BRI3BP: variants seen among roughly 807,000 people sequenced by gnomAD.
BRI3BP encodes BRI3 binding protein.
A neutral mutation model predicts 15.8 loss-of-function variants in BRI3BP; 7 were observed. The ratio of observed to expected loss-of-function variants is 0.44; its 90% confidence interval spans 0.25 to 0.83. The LOEUF (loss-of-function observed/expected upper bound fraction) is 0.83. BRI3BP is among the 40% of genes least tolerant of loss of function. The probability of loss-of-function intolerance (pLI) is 0.20; values close to 1 mark genes in which losing one functional copy is unlikely to be tolerated. For missense variants in BRI3BP, 320 were observed against 339.3 expected (o/e 0.94, Z 0.45); for synonymous variants, 192 against 163.5 (o/e 1.17, Z -1.33).
intron 2 of BRI3BP, among the ~76,000 whole-genome samples, chr12:125,018,961 C>T (rs962388864): frequency 3.3e-5 from 5 of 152,046 alleles, no homozygotes; most frequent in African/African-American, 1.2e-4. Context: ...CGGGTTCAAG[C>T]GATTCTCCTG....
chr12:124,993,656 AGCG>A lies in BRI3BP; in HGVS notation c.-123_-121del, dbSNP rs1323528753. On this transcript the variant is annotated 5_prime_UTR_variant, in exon 1 of 3. Coordinates refer to ENST00000341446, the MANE Select transcript of BRI3BP (RefSeq NM_080626.6). ...CGCGGGGCGGGGCAGGTGGCGCAGC[AGCG>A]GCGGCGGCGGCTGTGGGTAAAGGCG... is the stretch of plus-strand genomic sequence containing the variant. 121 of 351,462 alleles carry A rather than the reference AGCG, an allele frequency of 3.4e-4. No homozygotes were observed. The highest frequency in any genetic ancestry group is 4.5e-4 in the Non-Finnish European group (114 of 253,312). The allele number at this position is 351,462 out of a possible 1,614,324, so 21.8% of individuals were successfully genotyped here. A position where few individuals can be genotyped will look rare whatever the true frequency, so the allele number is the denominator to read the frequency against.
At chr12:125,048,307 G>A in the BRI3BP span, among the ~76,000 whole-genome samples, 1 of 152,112 alleles carries the variant, frequency 6.6e-6, no homozygotes. Context: ...GTGTTCCTAA[G>A]GTTCCTCAGC....
chr12:124,994,972 T>C (rs1955028604), intron 1 of BRI3BP, among the ~76,000 whole-genome samples: 2 of 152,208 alleles, frequency 1.3e-5, no homozygotes, highest in Admixed American at 6.5e-5. Flanking sequence ...TTCCCCTTCA[T>C]TGCGAGGTTG....
chr12:125,041,085 G>A, the BRI3BP span, among the ~76,000 whole-genome samples: 2 of 150,088 alleles, frequency 1.3e-5, no homozygotes, highest in Non-Finnish European at 3.0e-5. Flanking sequence ...TCGCTCTGTC[G>A]CCCAGGCTGG....
chr12:124,997,769 A>C (rs1476533146), intron 1 of BRI3BP, among the ~76,000 whole-genome samples: 1 of 152,024 alleles, frequency 6.6e-6, no homozygotes, highest in Non-Finnish European at 1.5e-5. Context: ...TGGGCAGCTC[A>C]TCTGAAGTCA....
At chr12:125,015,907 T>A (rs555002552) in intron 2 of BRI3BP, among the ~76,000 whole-genome samples, 57 of 152,234 alleles carry the variant, frequency 3.7e-4, no homozygotes, top group Admixed American at 8.5e-4. Flanking sequence ...CCGCGTGCAA[T>A]CCTCTTAGCT....
chr12:125,032,489 G>T (rs1264587051), downstream of BRI3BP, among the ~76,000 whole-genome samples: 3 of 151,688 alleles, frequency 2.0e-5, no homozygotes, highest in African/African-American at 7.3e-5. Context: ...CTATTTTGTG[G>T]CCGGGTGCAG....
At chr12:125,007,523 C>T (rs1456503646) in intron 1 of BRI3BP, among the ~76,000 whole-genome samples, 3 of 151,802 alleles carry the variant, frequency 2.0e-5, no homozygotes, top group African/African-American at 7.3e-5. Flanking sequence ...CACTGTAGCC[C>T]AGGTGACAAA....
chr12:124,999,157 C>G (rs780857542), intron 1 of BRI3BP, among the ~76,000 whole-genome samples: 3 of 152,284 alleles, frequency 2.0e-5, no homozygotes, highest in African/African-American at 4.8e-5. Flanking sequence ...CAGAATATAG[C>G]TGGACTGATG....
chr12:125,041,020 C>T, the BRI3BP span, among the ~76,000 whole-genome samples: 1 of 151,318 alleles, frequency 6.6e-6, no homozygotes, highest in African/African-American at 2.4e-5. Context: ...CATGAGCCAC[C>T]GTGCCTGGCC....
chr12:125,045,017 C>T, the BRI3BP span, among the ~76,000 whole-genome samples: 209 of 152,282 alleles, frequency 1.4e-3, no homozygotes, highest in Admixed American at 3.5e-3. Flanking sequence ...CAGTTACTTC[C>T]AATCACTGGT....
Position 124,993,909 on chromosome 12 carries a change from G to A in BRI3BP, c.119G>A (p.Gly40Asp). ...GCGCAGGGGGCGCGGGGCCGCGGCG[G>A]CGCGGAGAAGAACAGCTACCGCCGC... is the stretch of plus-strand genomic sequence containing the variant. ...PGAQGARGRG[G>D]AEKNSYRRTV... is the part of the protein sequence containing the mutation. The change falls in exon 1 of 3, where the codon GGC becomes GAC. Residue 40 changes from glycine to aspartate, a missense_variant. Physicochemically the swap from Gly to Asp is moderately conservative, Grantham distance 94. Coordinates refer to ENST00000341446, the MANE Select transcript of BRI3BP (RefSeq NM_080626.6). 2 of 1,289,862 alleles carry A rather than the reference G, an allele frequency of 1.6e-6. No individual in the cohort carries two copies. The highest frequency in any genetic ancestry group is 2.0e-6 in the Non-Finnish European group (2 of 1,010,536). The allele number at this position is 1,289,862 out of a possible 1,614,324, so 79.9% of individuals were successfully genotyped here.
the BRI3BP span, among the ~76,000 whole-genome samples, chr12:125,045,901 A>C: frequency 6.6e-6 from 1 of 152,046 alleles, no homozygotes; most frequent in South Asian, 2.1e-4. Context: ...ACGGTGACTC[A>C]CTCCTGTAAT....
rs1310828855 is a variant in BRI3BP, at chr12:125,028,847, C to G, written c.*3417C>G. 2 of 152,086 alleles carry G rather than the reference C, an allele frequency of 1.3e-5. No homozygotes were observed. Among genetic ancestry groups the G allele is most frequent in the African/African-American group, 4.8e-5 (2 of 41,416 alleles). The allele number at this position is 152,086 out of a possible 1,614,324, so 9.4% of individuals were successfully genotyped here. A position where few individuals can be genotyped will look rare whatever the true frequency, so the allele number is the denominator to read the frequency against. On this transcript the variant is annotated 3_prime_UTR_variant, in exon 3 of 3. Transcript: ENST00000341446. ...CCGCCACATGTCTTTGTTTTTTTCTCTCTTTTGTATGTGGAAAAATGTATT... is the reference window on the plus strand; with the variant it reads ...CCGCCACATGTCTTTGTTTTTTTCTGTCTTTTGTATGTGGAAAAATGTATT...
Position 125,025,212 on chromosome 12 carries a change from G to A in BRI3BP, c.538G>A (p.Glu180Lys). The A allele has an allele frequency of 1.9e-6, 3 of 1,614,116 alleles. No homozygotes were observed. The highest frequency in any genetic ancestry group is 1.3e-5 in the African/African-American group (1 of 75,048). ...GTACATCCTGCACAAGTACGAGGGC[G>A]AGCCGGAGAACGCGGTGCTGCCGCT... ...CVYILHKYEG[E>K]PENAVLPLCF... The change falls in exon 3 of 3, where the codon GAG becomes AAG. Residue 180 changes from glutamate to lysine, a missense_variant. Coordinates refer to ENST00000341446, the MANE Select transcript of BRI3BP (RefSeq NM_080626.6).
rs1450436633 is a variant in BRI3BP, at chr12:125,030,870, A to C, written c.*5440A>C. The C allele has an allele frequency of 6.6e-6, 1 of 152,190 alleles. No individual in the cohort carries two copies. Among genetic ancestry groups the C allele is most frequent in the Admixed American group, 6.5e-5 (1 of 15,274 alleles). The allele number at this position is 152,190 out of a possible 1,614,324, so 9.4% of individuals were successfully genotyped here. ...CAACAGTGGATTCATGATTGACTTC[A>C]TATTTTGTGTATCTGGTTATAAATT... On this transcript the variant is annotated 3_prime_UTR_variant, in exon 3 of 3. Transcript: ENST00000341446.
chr12:125,036,814 A>C, the BRI3BP span, among the ~76,000 whole-genome samples: 1 of 152,216 alleles, frequency 6.6e-6, no homozygotes, highest in African/African-American at 2.4e-5. Context: ...TAGTGGCCTC[A>C]TAAGAAGAGG....
chr12:125,012,737 G>C, intron 2 of BRI3BP, 101 bp downstream of exon 2: 1 of 924,590 alleles, frequency 1.1e-6, no homozygotes, highest in South Asian at 1.3e-5. Flanking sequence ...AGAAGGTTGC[G>C]GAGGGCTGGT....
At chr12:125,049,156 T>G in the BRI3BP span, among the ~76,000 whole-genome samples, 3 of 151,994 alleles carry the variant, frequency 2.0e-5, no homozygotes, top group African/African-American at 7.3e-5. Flanking sequence ...AAAGACGGGA[T>G]TTCACCGTGT....
Sources: allele counts gnomAD v4.1 joint callset (sites outside exome capture counted in the v4.1 genomes callset), GRCh38; gene constraint gnomAD v4.1.1; transcripts MANE v1.5; gene names NCBI Gene and HGNC (gene_info 2026-07-23, HGNC 2026-07-21).